Variants in ULK4 observed in about 807,000 individuals in gnomAD.
The protein encoded by ULK4 is unc-51 like kinase 4.
Under a neutral mutation model 160.6 loss-of-function variants are expected in ULK4, and 133 were observed. The observed-to-expected ratio is 0.83, with a 90% CI of 0.72 to 0.96. The LOEUF (loss-of-function observed/expected upper bound fraction) is 0.96. Ranked by LOEUF, ULK4 falls within the 40% of genes least tolerant of loss-of-function variation. ULK4 has a pLI of 0.00. For synonymous variants in ULK4, 534 were observed against 539.8 expected (o/e 0.99, Z 0.15); for missense variants, 1,580 against 1,499.5 (o/e 1.05, Z -0.89).
rs1450944823 is a variant in ULK4, at chr3:41,706,027, T to C, written c.2635-722A>G. On this transcript the variant is annotated intron_variant, in intron 25 of 36. Transcript: ENST00000301831. ...ATAGTAGTTTCGCTCTCAAGGCCTG[T>C]CTTCAAATTTCGCCACTGTTTTGAG... 3.9e-5 allele frequency among the ~76,000 whole-genome samples: 6 copies of C among 152,202 alleles called. No homozygotes were observed. The South Asian group carries it at 1.0e-3, about 26-fold the overall frequency.
At chr3:41,922,778 G>A (rs1699237427) in intron 5 of ULK4, among the ~76,000 whole-genome samples, 1 of 152,104 alleles carries the variant, frequency 6.6e-6, no homozygotes, top group Non-Finnish European at 1.5e-5. Context: ...TGCAATGTAC[G>A]ATGGACTCCA....
At chr3:41,563,503 A>C (rs1036354065) in intron 32 of ULK4, among the ~76,000 whole-genome samples, 2 of 152,148 alleles carry the variant, frequency 1.3e-5, no homozygotes, top group Non-Finnish European at 2.9e-5. Context: ...ACCAATCAAA[A>C]GTAGATTTGG....
chr3:41,631,525 AT>A (rs1323409706), intron 30 of ULK4, among the ~76,000 whole-genome samples: 3 of 152,286 alleles, frequency 2.0e-5, no homozygotes, highest in Admixed American at 6.5e-5. Flanking sequence ...AAAAATATGG[AT>A]TTTAGTAAGA....
intron 35 of ULK4, among the ~76,000 whole-genome samples, chr3:41,341,241 C>T (rs2080676766): frequency 6.6e-6 from 1 of 152,188 alleles, no homozygotes; most frequent in Admixed American, 6.5e-5. Flanking sequence ...GAATAAACAG[C>T]AAGGGAGGAA....
chr3:41,299,210 G>A (rs1459740997), intron 35 of ULK4, among the ~76,000 whole-genome samples: 2 of 152,190 alleles, frequency 1.3e-5, no homozygotes, highest in Admixed American at 1.3e-4. Flanking sequence ...GGGCTATCCT[G>A]CTGGTGAACG....
chr3:41,527,323 G>GA (rs1388755647), intron 32 of ULK4, among the ~76,000 whole-genome samples: 1 of 152,230 alleles, frequency 6.6e-6, no homozygotes, highest in African/African-American at 2.4e-5. Flanking sequence ...GAAATTCTGA[G>GA]AATGTGAAAA....
chr3:41,895,135 C>T (rs1698110802), intron 16 of ULK4, among the ~76,000 whole-genome samples: 1 of 152,124 alleles, frequency 6.6e-6, no homozygotes, highest in Admixed American at 6.5e-5. Context: ...GTTAGCCAGG[C>T]ACAGTGGCTC....
At chr3:41,775,117 T>C (rs1354229152) in intron 21 of ULK4, among the ~76,000 whole-genome samples, 3 of 149,534 alleles carry the variant, frequency 2.0e-5, no homozygotes, top group Non-Finnish European at 4.4e-5. Flanking sequence ...ATATACCTAA[T>C]GCTAAATGAC....
rs910059915 is a variant in ULK4 at position 41,549,575 on chromosome 3, G to C, written c.3226+16450C>G. 3.3e-5 allele frequency among the ~76,000 whole-genome samples: 5 copies of C among 152,050 alleles called. 1 individual carries two copies. The highest frequency in any genetic ancestry group is 2.0e-4 in the Admixed American group (3 of 15,270). On this transcript the variant is annotated intron_variant, in intron 32 of 36. Transcript: ENST00000301831. ...TAAAGAGAGCAAATATTCAAATTTT[G>C]GGTGTTCTAGAAGTAGAAGAGATAG...
At chr3:41,879,122 A>G (rs73081383) in intron 17 of ULK4, among the ~76,000 whole-genome samples, 18,882 of 152,224 alleles carry the variant, frequency 0.12, 1,357 homozygotes, top group Middle Eastern at 0.27. Context: ...AAGGGTCACA[A>G]TATCTAAACG....
chr3:41,315,405 T>C (rs1439982166), intron 35 of ULK4, among the ~76,000 whole-genome samples: 1 of 152,148 alleles, frequency 6.6e-6, no homozygotes, highest in Admixed American at 6.5e-5. Context: ...AAAATGGTGT[T>C]CCAGGCTTCT....
intron 2 of ULK4, among the ~76,000 whole-genome samples, chr3:41,951,446 T>A (rs1700294259): frequency 1.3e-5 from 2 of 149,136 alleles, no homozygotes; most frequent in Non-Finnish European, 3.0e-5. Flanking sequence ...TTCCAAAGCT[T>A]ACTACAAAGC....
At chr3:41,449,447 G>T (rs2083377106) in intron 34 of ULK4, among the ~76,000 whole-genome samples, 1 of 152,088 alleles carries the variant, frequency 6.6e-6, no homozygotes, top group South Asian at 2.1e-4. Context: ...TCAGAAAGAG[G>T]GGTATCATCT....
intron 17 of ULK4, among the ~76,000 whole-genome samples, chr3:41,875,087 G>C (rs527725309): frequency 7.9e-5 from 12 of 152,312 alleles, no homozygotes; most frequent in Non-Finnish European, 1.5e-4. Context: ...GGCTGAAGTG[G>C]GAGATCAGTT....
intron 35 of ULK4, among the ~76,000 whole-genome samples, chr3:41,342,153 T>G (rs2080699781): frequency 6.6e-6 from 1 of 152,248 alleles, no homozygotes; most frequent in Non-Finnish European, 1.5e-5. Flanking sequence ...GAGAGTAAAT[T>G]AATGAGTTGA....
chr3:41,655,646 G>A (rs977415781), intron 30 of ULK4, among the ~76,000 whole-genome samples: 4 of 152,162 alleles, frequency 2.6e-5, no homozygotes, highest in African/African-American at 9.7e-5. Flanking sequence ...GTTCAAGGCT[G>A]CAGTAAGTGG....
intron 35 of ULK4, among the ~76,000 whole-genome samples, chr3:41,363,054 T>G (rs1315349528): frequency 1.3e-5 from 2 of 152,246 alleles, no homozygotes; most frequent in Non-Finnish European, 2.9e-5. Context: ...ACCTGCAACT[T>G]TGCAGTGGAC....
At chr3:41,923,052 T>C (rs966711430) in intron 5 of ULK4, among the ~76,000 whole-genome samples, 1 of 151,254 alleles carries the variant, frequency 6.6e-6, no homozygotes, top group Non-Finnish European at 1.5e-5. Flanking sequence ...CAGGCACCTG[T>C]AAGCCCAGCT....
chr3:41,460,552 T>C (rs2083658995), intron 33 of ULK4, among the ~76,000 whole-genome samples: 2 of 152,152 alleles, frequency 1.3e-5, no homozygotes. Context: ...TACAGGTGCC[T>C]AGCCCTATGC....
Sources: allele counts gnomAD v4.1 joint callset (sites outside exome capture counted in the v4.1 genomes callset), GRCh38; gene constraint gnomAD v4.1.1; transcripts MANE v1.5; gene names NCBI Gene and HGNC (gene_info 2026-07-23, HGNC 2026-07-21).